The following TOP1MT variants were observed in gnomAD, a reference collection of about 807,000 sequenced individuals.
TOP1MT encodes DNA topoisomerase I, mitochondrial.
TOP1MT carries 80 observed loss-of-function variants against 73.9 expected under a neutral mutation model. That is an observed-to-expected ratio of 1.08 (90% CI 0.90 to 1.30). The LOEUF (loss-of-function observed/expected upper bound fraction) is 1.30. Among genes scored for constraint, TOP1MT ranks in the 50% most tolerant of loss-of-function variants. The pLI is 0.00. For synonymous variants in TOP1MT, 338 were observed against 326.4 expected, an observed-to-expected ratio of 1.04 and a Z score of -0.38; for missense variants, 815 against 808.0, an observed-to-expected ratio of 1.01 and a Z score of -0.10.
intron 2 of TOP1MT, among the ~76,000 whole-genome samples, chr8:143,342,537 CTGT>C (rs1395737347): frequency 5.0e-5 from 3 of 59,906 alleles, no homozygotes; most frequent in Non-Finnish European, 7.9e-5. Context: ...GAGTCTCGCT[CTGT>C]TATTATTATT....
At chr8:143,348,767 G>A (rs1057163169), upstream of TOP1MT, among the ~76,000 whole-genome samples, 4 of 152,114 alleles carry the variant, frequency 2.6e-5, no homozygotes, top group Admixed American at 6.5e-5. This position sits in a 1 kb window ranked among gnomAD's most constrained non-coding sequence, Gnocchi z 4.6. Flanking sequence ...GAGAATGGAC[G>A]CCAGCTGACA....
chr8:143,342,148 TATTA>T (rs1329077234), intron 2 of TOP1MT, among the ~76,000 whole-genome samples: 2 of 132,026 alleles, frequency 1.5e-5, no homozygotes, highest in Non-Finnish European at 3.1e-5. Context: ...TTATTATTAT[TATTA>T]GAGACAGAGT....
chr8:143,332,555 T>G, intron 1 of TOP1MT: 3 of 1,289,384 alleles, frequency 2.3e-6, no homozygotes, highest in Non-Finnish European at 3.0e-6. Flanking sequence ...GTGGGCCTGG[T>G]CGGCTGGGAT....
rs868779387 is a variant in TOP1MT at position 143,342,327 on chromosome 8, G to A, written c.29+893C>T. Among the ~76,000 whole-genome samples, 9 of 125,962 alleles carry A rather than the reference G, an allele frequency of 7.1e-5. No individual in the cohort carries two copies. In the South Asian group the frequency reaches 1.2e-3, roughly 16 times the overall value. 82.6% of individuals were successfully genotyped at this position (125,962 alleles called of 152,430 possible). ...TTATTATTATTAGAGACAGAGTCTC[G>A]CTGTTATTATTATTATTAGAGACAG... On this transcript the variant is annotated intron_variant, in intron 2 of 5. Transcript: ENST00000518007.
chr8:143,349,517 C>T (rs1427502384), upstream of TOP1MT, among the ~76,000 whole-genome samples: 1 of 152,190 alleles, frequency 6.6e-6, no homozygotes, highest in African/African-American at 2.4e-5. Flanking sequence ...ATTTCTCTTT[C>T]CAATAAACCC....
At chr8:143,347,688 G>GCAGCCAGCCAGCCAGC (rs36222627), upstream of TOP1MT, among the ~76,000 whole-genome samples, 23 of 150,078 alleles carry the variant, frequency 1.5e-4, no homozygotes, top group East Asian at 3.0e-3. Flanking sequence ...CAGCAGGCAG[G>GCAGCCAGCCAGCCAGC]CAGCCAGCCA....
At chr8:143,348,833 G>A (rs1817273651), upstream of TOP1MT, among the ~76,000 whole-genome samples, 2 of 152,160 alleles carry the variant, frequency 1.3e-5, no homozygotes, top group Admixed American at 6.5e-5. The surrounding 1 kb of genome is among the most constrained non-coding windows in gnomAD (Gnocchi z 4.6). Context: ...CCAACTCCCA[G>A]GAGCCTGGTG....
At chr8:143,336,284 C>T (rs1312770954), upstream of TOP1MT, among the ~76,000 whole-genome samples, 2 of 152,140 alleles carry the variant, frequency 1.3e-5, no homozygotes, top group African/African-American at 4.8e-5. Flanking sequence ...TGAGCCGATG[C>T]CCAGTTGGTT....
intron 7 of TOP1MT, among the ~76,000 whole-genome samples, chr8:143,323,218 G>C (rs1441031461): frequency 3.2e-3 from 61 of 18,958 alleles, no homozygotes; most frequent in Admixed American, 6.1e-3. Flanking sequence ...ACGCCACACA[G>C]GCACGCCACA....
rs745605804 is a variant in TOP1MT at position 143,331,314 on chromosome 8, C to T, written c.148G>A (p.Gly50Arg). The stretch of plus-strand genomic sequence containing the variant: ...TGCTCCAGCTGTCTCCACTTCACCC[C>T]GTCTTCGTGCTTCTCCTTCTCCCAC... ...ARWEKEKHED[G>R]VKWRQLEHKG... is the part of the protein sequence containing the mutation. The change falls in exon 2 of 14, where the codon GGG becomes AGG. Residue 50 changes from glycine (G) to arginine (R), a missense_variant. Gly to Arg is a moderately radical substitution (Grantham distance 125). Coordinates refer to ENST00000329245, the MANE Select transcript of TOP1MT (RefSeq NM_052963.3). 1.9e-5 allele frequency: 30 copies of T among 1,612,296 alleles called. No individual in the cohort carries two copies. In the South Asian group the frequency reaches 2.2e-4, roughly 12 times the overall value.
chr8:143,335,533 G>A (rs1159414765), upstream of TOP1MT, among the ~76,000 whole-genome samples: 6 of 152,210 alleles, frequency 3.9e-5, no homozygotes, highest in Non-Finnish European at 8.8e-5. Context: ...CGTGACTGCT[G>A]ACCCTGACCA....
upstream of TOP1MT, among the ~76,000 whole-genome samples, chr8:143,348,195 C>A (rs929458208): frequency 1.3e-5 from 2 of 152,242 alleles, no homozygotes; most frequent in African/African-American, 2.4e-5. The surrounding 1 kb of genome is among the most constrained non-coding windows in gnomAD (Gnocchi z 4.6). Context: ...ATACTCCCAC[C>A]AGCTCCCTGC....
Position 143,318,072 on chromosome 8 carries a change from T to A in TOP1MT, c.1161A>T (p.Leu387Phe). 1 of 1,613,968 alleles carries A rather than the reference T, an allele frequency of 6.2e-7. No individual in the cohort carries two copies. The highest frequency in any genetic ancestry group is 8.5e-7 in the Non-Finnish European group (1 of 1,179,910). ...GGTCCTTGTTCTCCATAAAGAGCTGTAAGTTCTTGTACACCTGAAGGAGAA... is the reference window on the plus strand; with the variant it reads ...GGTCCTTGTTCTCCATAAAGAGCTGAAAGTTCTTGTACACCTGAAGGAGAA... ...VPVEKPVYKN[L>F]QLFMENKDPR... The change falls in exon 9 of 14, where the codon TTA becomes TTT. Residue 387 changes from leucine to phenylalanine, a missense_variant. Coordinates refer to ENST00000329245, the MANE Select transcript of TOP1MT (RefSeq NM_052963.3).
intron 1 of TOP1MT, among the ~76,000 whole-genome samples, chr8:143,352,789 T>C (rs892396492): frequency 2.0e-5 from 3 of 152,220 alleles, no homozygotes; most frequent in Non-Finnish European, 4.4e-5. Context: ...AATGTCCAGC[T>C]GATTTTTAAA....
intron 7 of TOP1MT, among the ~76,000 whole-genome samples, chr8:143,322,658 A>G (rs1816503145): frequency 8.0e-6 from 1 of 125,556 alleles, no homozygotes; most frequent in Non-Finnish European, 1.6e-5. Flanking sequence ...CGCACACCAC[A>G]CACGCACGCC....
upstream of TOP1MT, chr8:143,359,465 G>C: frequency 1.0e-6 from 1 of 983,778 alleles, no homozygotes; most frequent in East Asian, 1.1e-4. Context: ...CCTTTTCCTA[G>C]GCAGCCAGAC....
chr8:143,345,151 C>T (rs1817198227), upstream of TOP1MT, among the ~76,000 whole-genome samples: 1 of 152,194 alleles, frequency 6.6e-6, no homozygotes, highest in Admixed American at 6.5e-5. Context: ...ATGGGAGACT[C>T]CCCATAGACA....
intron 10 of TOP1MT, among the ~76,000 whole-genome samples, chr8:143,316,549 A>G (rs1191846691): frequency 2.5e-5 from 1 of 40,148 alleles, no homozygotes; most frequent in Non-Finnish European, 4.5e-5. Flanking sequence ...ACAAGTCCCC[A>G]GCACCCGGCT....
intron 1 of TOP1MT, among the ~76,000 whole-genome samples, chr8:143,353,259 T>TA (rs1817350026): frequency 6.6e-6 from 1 of 151,436 alleles, no homozygotes; most frequent in Non-Finnish European, 1.5e-5. Context: ...TACCAAAAAT[T>TA]TAAAAAATTA....
Sources: gnomAD v4.1 joint callset for allele counts (sites outside exome capture counted in the v4.1 genomes callset) on GRCh38, gnomAD v4.1.1 for gene constraint, Gnocchi (gnomAD v3.1) non-coding constraint, MANE v1.5 for transcripts, NCBI Gene and HGNC (gene_info 2026-07-23, HGNC 2026-07-21) for gene names.